The following ADPGK variants were observed in gnomAD, a reference collection of about 807,000 sequenced individuals.
The protein encoded by ADPGK is ADP dependent glucokinase, also known as ADP-dependent glucokinase.
Under a neutral mutation model 42.4 loss-of-function variants are expected in ADPGK, and 26 were observed. The observed-to-expected ratio is 0.61, with a 90% CI of 0.45 to 0.85. The LOEUF is 0.85. Among genes scored for constraint, ADPGK ranks in the 40% least tolerant of loss-of-function variants. The pLI, the probability that ADPGK is intolerant of heterozygous loss-of-function variation, is 0.00. For synonymous variants in ADPGK, 267 were observed against 252.6 expected, an observed-to-expected ratio of 1.06 and a Z score of -0.54; for missense variants, 571 against 627.0, an observed-to-expected ratio of 0.91 and a Z score of 0.95.
intron 1 of ADPGK, among the ~76,000 whole-genome samples, chr15:72,778,143 G>T (rs2066412384): frequency 6.6e-6 from 1 of 152,118 alleles, no homozygotes; most frequent in Non-Finnish European, 1.5e-5. Flanking sequence ...CAGCTACTCA[G>T]GAAGCTGAGG....
At chr15:72,755,789 A>T (rs1362050462) in intron 5 of ADPGK, 135 bp from the exon 6 acceptor site, 2 of 683,440 alleles carry the variant, frequency 2.9e-6, no homozygotes, top group Admixed American at 2.2e-5. Context: ...GCTACAAGCA[A>T]TGTGGGTCCC....
chr15:72,764,036 C>G (rs1161273396), intron 3 of ADPGK, among the ~76,000 whole-genome samples: 1 of 152,168 alleles, frequency 6.6e-6, no homozygotes, highest in Non-Finnish European at 1.5e-5. Flanking sequence ...TTGGGCCTCA[C>G]TAATTTCCTG....
At chr15:72,780,294 C>T (rs891163040) in intron 1 of ADPGK, among the ~76,000 whole-genome samples, 2 of 152,014 alleles carry the variant, frequency 1.3e-5, no homozygotes, top group Non-Finnish European at 2.9e-5. Flanking sequence ...AGGAAGGAGC[C>T]GTGCCGAGTG....
At chr15:72,758,971 C>T (rs2066153513) in intron 4 of ADPGK, among the ~76,000 whole-genome samples, 1 of 152,198 alleles carries the variant, frequency 6.6e-6, no homozygotes, top group Admixed American at 6.5e-5. Flanking sequence ...CGGAGTCTCG[C>T]TCTGTTGCCC....
intron 3 of ADPGK, among the ~76,000 whole-genome samples, chr15:72,763,318 A>ATTTTTTTT (rs34099103): frequency 1.5e-4 from 19 of 123,664 alleles, no homozygotes; most frequent in East Asian, 2.3e-4. Flanking sequence ...CACTCGGCTA[A>ATTTTTTTT]TTTTTTTTTT....
chr15:72,764,852 C>T (rs534952579), intron 3 of ADPGK, among the ~76,000 whole-genome samples: 1 of 152,220 alleles, frequency 6.6e-6, no homozygotes, highest in East Asian at 1.9e-4. Flanking sequence ...TGCTCACTGA[C>T]CATTCTGAAA....
chr15:72,765,519 C>A (rs886480137), intron 3 of ADPGK, among the ~76,000 whole-genome samples: 5 of 152,168 alleles, frequency 3.3e-5, no homozygotes, highest in African/African-American at 1.2e-4. Flanking sequence ...ATAATAACTC[C>A]TCTGATGGAT....
chr15:72,778,317 G>A (rs2066415009), intron 1 of ADPGK, among the ~76,000 whole-genome samples: 1 of 152,114 alleles, frequency 6.6e-6, no homozygotes, highest in Admixed American at 6.5e-5. Context: ...TTCTTGTTCT[G>A]TTTTATAATA....
At chr15:72,757,917 C>CAGTGCA (rs1304325389) in intron 4 of ADPGK, 4 of 644,694 alleles carry the variant, frequency 6.2e-6, no homozygotes, top group Non-Finnish European at 5.3e-6. Context: ...CAAAAATAAA[C>CAGTGCA]AGGCTCTTCT....
chr15:72,756,635 C>T, intron 4 of ADPGK, 188 bp from the exon 5 acceptor site: 1 of 616,180 alleles, frequency 1.6e-6, no homozygotes, highest in South Asian at 2.1e-5. Flanking sequence ...AAACCTAAAC[C>T]CAAACCCAGC....
intron 1 of ADPGK, among the ~76,000 whole-genome samples, chr15:72,777,020 C>A (rs1566963882): frequency 1.3e-5 from 2 of 152,174 alleles, no homozygotes; most frequent in Non-Finnish European, 2.9e-5. Flanking sequence ...CCATGACACA[C>A]ACAGAAGGGG....
At chr15:72,783,220 C>G in intron 1 of ADPGK, 10 of 1,228,040 alleles carry the variant, frequency 8.1e-6, no homozygotes, top group Non-Finnish European at 1.0e-5. Context: ...GCGGGATTAG[C>G]AAGAAGCTGT....
chr15:72,779,962 GCAA>G (rs2066436887), intron 1 of ADPGK, among the ~76,000 whole-genome samples: 1 of 151,888 alleles, frequency 6.6e-6, no homozygotes, highest in Non-Finnish European at 1.5e-5. Context: ...TCTCTTAATG[GCAA>G]CAACATGGCA....
At chr15:72,777,012 A>C (rs182415175) in intron 1 of ADPGK, among the ~76,000 whole-genome samples, 1 of 152,228 alleles carries the variant, frequency 6.6e-6, no homozygotes, top group Non-Finnish European at 1.5e-5. Context: ...GAACTTCTCC[A>C]TGACACACAC....
intron 4 of ADPGK, chr15:72,758,226 T>C: frequency 9.0e-7 from 1 of 1,110,508 alleles, no homozygotes; most frequent in Non-Finnish European, 1.4e-6. Context: ...CAGATGCAAA[T>C]GGATCTAATT....
chr15:72,777,184 G>C (rs1409644463), intron 1 of ADPGK, among the ~76,000 whole-genome samples: 2 of 152,148 alleles, frequency 1.3e-5, no homozygotes, highest in African/African-American at 4.8e-5. Context: ...TGCAACATTA[G>C]ATTGGTAGAA....
chr15:72,779,690 G>A (rs1003109269), intron 1 of ADPGK, among the ~76,000 whole-genome samples: 15 of 152,118 alleles, frequency 9.9e-5, no homozygotes, highest in Admixed American at 6.5e-4. Context: ...GCATTTAAGG[G>A]CTAGTGCCTC....
At chr15:72,753,181 C>T (rs1260438331) in intron 6 of ADPGK, among the ~76,000 whole-genome samples, 1 of 152,210 alleles carries the variant, frequency 6.6e-6, no homozygotes, top group African/African-American at 2.4e-5. Context: ...TTTTGTGTTT[C>T]TTTCCATGGT....
At position 72,752,646 on chromosome 15, in the gene ADPGK, C is replaced by T. The variant is rs1288959223; in HGVS notation, c.1189G>A (p.Ala397Thr). 1.9e-6 allele frequency: 3 copies of T among 1,614,206 alleles called. No homozygotes were observed. The Admixed American group carries it at 5.0e-5, about 27-fold the overall frequency. ...HILATVDGHW[A>T]NQLAAVAAGA... Reference sequence around the variant, plus strand: ...GCAGCCACGGCTGCCAGCTGGTTGGCCCAGTGTCCATCCACAGTTGCCAGG... The same window carrying T: ...GCAGCCACGGCTGCCAGCTGGTTGGTCCAGTGTCCATCCACAGTTGCCAGG... The change falls in exon 7 of 7, where the codon GCC becomes ACC. Residue 397 changes from alanine (A) to threonine (T), a missense_variant. Ala to Thr is a moderately conservative substitution (Grantham distance 58). Transcript: ENST00000456471.
Sources: allele counts gnomAD v4.1 joint callset (sites outside exome capture counted in the v4.1 genomes callset), GRCh38; gene constraint gnomAD v4.1.1; transcripts MANE v1.5; gene names NCBI Gene and HGNC (gene_info 2026-07-23, HGNC 2026-07-21).